The following CGNL1 variants were observed in gnomAD, a reference collection of about 807,000 sequenced individuals.
The protein encoded by CGNL1 is cingulin-like protein 1.
In CGNL1, 132 loss-of-function variants were observed where a neutral mutation model predicts 141.2. The ratio of observed to expected loss-of-function variants is 0.93; its 90% CI spans 0.81 to 1.08. The LOEUF is 1.08. Among genes scored for constraint, CGNL1 ranks in the 50% least tolerant of loss-of-function variants. CGNL1 has a pLI of 0.00. For missense variants in CGNL1, 1,870 were observed against 1,588.6 expected (o/e 1.18, Z -3.01); for synonymous variants, 690 against 622.1 (o/e 1.11, Z -1.63).
At chr15:57,433,295 A>G (rs898212865) in intron 1 of CGNL1, among the ~76,000 whole-genome samples, 1 of 152,236 alleles carries the variant, frequency 6.6e-6, no homozygotes, top group African/African-American at 2.4e-5. Flanking sequence ...TGTCCTTAGT[A>G]TTGAGTTGTT....
Position 57,529,237 on chromosome 15 carries a change from C to T in CGNL1, c.3201+422C>T, listed in dbSNP as rs569892393. Reference sequence around the variant, plus strand: ...TCTTCATTTGCCACACCACATTCTCCATTCTTGCTTCCTGTTTCTGGCCCA... The same window carrying T: ...TCTTCATTTGCCACACCACATTCTCTATTCTTGCTTCCTGTTTCTGGCCCA... On this transcript the variant is annotated intron_variant, in intron 13 of 18. Transcript: ENST00000281282. 7.2e-5 allele frequency among the ~76,000 whole-genome samples: 11 copies of T among 152,192 alleles called. No individual in the cohort carries two copies. In the South Asian group the frequency reaches 2.1e-3, roughly 29 times the overall value.
At position 57,545,824 on chromosome 15, in the gene CGNL1, C is replaced by T. The variant is rs566888677; in HGVS notation, c.3609+124C>T. ...GAGTGGGCTGATTCCTCCCTTTCCA[C>T]GCACCCAGTCACATCATCAAATGGG... On this transcript the variant is annotated intron_variant, in intron 17 of 18. Transcript: ENST00000281282. 4.8e-5 allele frequency: 39 copies of T among 815,934 alleles called. 1 individual carries two copies. The highest frequency in any genetic ancestry group is 3.1e-4 in the South Asian group (18 of 58,902). The allele number at this position is 815,934 out of a possible 1,614,324, so 50.5% of individuals were successfully genotyped here.
At position 57,395,908 on chromosome 15, in the gene CGNL1, G is replaced by C. The variant is rs112984530; in HGVS notation, c.-16+19341G>C. On this transcript the variant is annotated intron_variant, in intron 1 of 18. Coordinates refer to ENST00000281282, the MANE Select transcript of CGNL1 (RefSeq NM_032866.5). Reference sequence around the variant, plus strand: ...AAATTATAATGTACAGAATCTTCTAGAAGCTTTCTTGTGCCTCCTCCTGAT... The same window carrying C: ...AAATTATAATGTACAGAATCTTCTACAAGCTTTCTTGTGCCTCCTCCTGAT... 7.2e-5 allele frequency among the ~76,000 whole-genome samples: 11 copies of C among 152,314 alleles called. No individual in the cohort carries two copies. In the East Asian group the frequency reaches 2.1e-3, roughly 29 times the overall value.
intron 8 of CGNL1, among the ~76,000 whole-genome samples, chr15:57,468,303 C>T (rs1255625910): frequency 2.3e-5 from 3 of 127,892 alleles, no homozygotes; most frequent in Admixed American, 2.0e-4. Flanking sequence ...TGCAGTGGCA[C>T]GATCTCAGCT....
intron 4 of CGNL1, among the ~76,000 whole-genome samples, chr15:57,442,726 C>T (rs2063204993): frequency 6.6e-6 from 1 of 152,150 alleles, no homozygotes; most frequent in Non-Finnish European, 1.5e-5. Context: ...TCAAGCCATC[C>T]TCCTACCTCA....
chr15:57,476,533 T>C (rs1187858872), intron 8 of CGNL1, among the ~76,000 whole-genome samples: 1 of 152,204 alleles, frequency 6.6e-6, no homozygotes, highest in African/African-American at 2.4e-5. Flanking sequence ...AGGCAAATAG[T>C]TGGTGACAGA....
intron 2 of CGNL1, among the ~76,000 whole-genome samples, chr15:57,440,164 A>G (rs2063168216): frequency 6.6e-6 from 1 of 152,002 alleles, no homozygotes; most frequent in Admixed American, 6.6e-5. Flanking sequence ...ATATTACAGG[A>G]TTGCACCAAC....
At chr15:57,461,315 G>A (rs1399903314) in intron 7 of CGNL1, among the ~76,000 whole-genome samples, 1 of 152,148 alleles carries the variant, frequency 6.6e-6, no homozygotes, top group Non-Finnish European at 1.5e-5. Flanking sequence ...GCGTGCCCCC[G>A]TGAAGCAACA....
intron 8 of CGNL1, among the ~76,000 whole-genome samples, chr15:57,473,712 A>C (rs2063611984): frequency 6.6e-6 from 1 of 152,000 alleles, no homozygotes; most frequent in Admixed American, 6.6e-5. Context: ...GAAAAACCCC[A>C]TGTGGCAAAG....
chr15:57,541,793 C>T (rs777805201), intron 14 of CGNL1, among the ~76,000 whole-genome samples: 5 of 152,266 alleles, frequency 3.3e-5, no homozygotes, highest in Non-Finnish European at 7.3e-5. Context: ...TGCATAACCG[C>T]TGCCGTAGGC....
chr15:57,483,026 G>C (rs1409628416), intron 8 of CGNL1, among the ~76,000 whole-genome samples: 1 of 152,072 alleles, frequency 6.6e-6, no homozygotes, highest in East Asian at 1.9e-4. Context: ...ACCTCAGGTG[G>C]TCCGCCCACC....
At chr15:57,474,130 C>T (rs1250372677) in intron 8 of CGNL1, among the ~76,000 whole-genome samples, 2 of 151,776 alleles carry the variant, frequency 1.3e-5, no homozygotes, top group East Asian at 1.9e-4. Context: ...AGGCTGGTCT[C>T]GAACTCTTAA....
rs1346224897 is a variant in CGNL1 at position 57,439,510 on chromosome 15, T to C, written c.1511T>C (p.Leu504Pro). 3.1e-6 allele frequency: 5 copies of C among 1,614,182 alleles called. No homozygotes were observed. Among genetic ancestry groups the C allele is most frequent in the Non-Finnish European group, 4.2e-6 (5 of 1,180,024 alleles). ...GAGGTGAAAACAGCCACCGCTACGC[T>C]GATGTTACAGAACCGGGCAACAGCA... ...EEEVKTATAT[L>P]MLQNRATATS... is the part of the protein sequence containing the mutation. The change falls in exon 2 of 19, where the codon CTG (leucine) becomes CCG (proline). Residue 504 changes from leucine to proline, a missense_variant. Transcript: ENST00000281282.
chr15:57,442,204 G>GAAAAC (rs2063198126), intron 3 of CGNL1, among the ~76,000 whole-genome samples, 169 bp from the exon 4 acceptor site: 1 of 50,974 alleles, frequency 2.0e-5, no homozygotes, highest in African/African-American at 8.0e-5. Context: ...AAAAAAAAAA[G>GAAAAC]ACACCATCCA....
At chr15:57,513,528 T>C (rs556313726) in intron 8 of CGNL1, among the ~76,000 whole-genome samples, 7 of 152,286 alleles carry the variant, frequency 4.6e-5, no homozygotes, top group South Asian at 2.1e-4. Flanking sequence ...ATATGTTTTT[T>C]CTTTTTTTTG....
At chr15:57,464,714 CCTTTCCTTTCCTTTCCTTCTTT>C (rs1314724013) in intron 8 of CGNL1, among the ~76,000 whole-genome samples, 1 of 142,916 alleles carries the variant, frequency 7.0e-6, no homozygotes, top group Non-Finnish European at 1.5e-5. Flanking sequence ...CCTTTCCTTT[CCTTTCCTTTCCTTTCCTTCTTT>C]CTTTCTTTCT....
At chr15:57,448,501 A>G (rs2063283844) in intron 4 of CGNL1, among the ~76,000 whole-genome samples, 1 of 151,908 alleles carries the variant, frequency 6.6e-6, no homozygotes, top group South Asian at 2.1e-4. Context: ...ATACAAAATT[A>G]ACCAGGTGTG....
chr15:57,514,758 A>G (rs2030631844), intron 8 of CGNL1, among the ~76,000 whole-genome samples: 1 of 152,204 alleles, frequency 6.6e-6, no homozygotes. Context: ...CCTATGATCC[A>G]TTTTGAGTTA....
chr15:57,452,457 G>A (rs1336199732), intron 6 of CGNL1, among the ~76,000 whole-genome samples, 168 bp downstream of exon 6: 1 of 152,186 alleles, frequency 6.6e-6, no homozygotes, highest in African/African-American at 2.4e-5. Context: ...GGCGACACAT[G>A]TAGACTGATA....
Sources: allele counts gnomAD v4.1 joint callset (sites outside exome capture counted in the v4.1 genomes callset), GRCh38; gene constraint gnomAD v4.1.1; transcripts MANE v1.5; gene names NCBI Gene and HGNC (gene_info 2026-07-23, HGNC 2026-07-21).